The following SLCO5A1 variants were observed in gnomAD, a reference collection of about 807,000 sequenced individuals.
SLCO5A1 encodes organic anion transporter polypeptide-related protein 4.
SLCO5A1 carries 39 observed loss-of-function variants against 65.1 expected under a neutral mutation model. The observed-to-expected ratio is 0.60, with a 90% CI of 0.46 to 0.78. SLCO5A1 has a LOEUF of 0.78. Among genes scored for constraint, SLCO5A1 ranks in the 30% least tolerant of loss-of-function variants. The pLI, the probability that SLCO5A1 is intolerant of heterozygous loss-of-function variation, is 0.00. For synonymous variants in SLCO5A1, 438 were observed against 415.7 expected (o/e 1.05, Z -0.65); for missense variants, 1,029 against 1,069.4 (o/e 0.96, Z 0.53).
chr8:69,720,174 G>C (rs904894995), intron 5 of SLCO5A1, among the ~76,000 whole-genome samples: 1 of 152,012 alleles, frequency 6.6e-6, no homozygotes, highest in Admixed American at 6.6e-5. Context: ...ACTTCTCTTT[G>C]GAAGACAACA....
chr8:69,817,349 A>T (rs187534418), intron 2 of SLCO5A1, among the ~76,000 whole-genome samples: 42 of 152,314 alleles, frequency 2.8e-4, no homozygotes, highest in Admixed American at 2.7e-3. Context: ...GAATAATATT[A>T]TATAGATATA....
chr8:69,754,636 G>C (rs1167117817), intron 4 of SLCO5A1, among the ~76,000 whole-genome samples: 1 of 152,066 alleles, frequency 6.6e-6, no homozygotes, highest in Non-Finnish European at 1.5e-5. Flanking sequence ...ATAGGTTTCT[G>C]GAATTAAAGG....
chr8:69,712,246 T>G (rs566652992), intron 5 of SLCO5A1, among the ~76,000 whole-genome samples: 5 of 152,196 alleles, frequency 3.3e-5, no homozygotes, highest in Admixed American at 6.5e-5. Flanking sequence ...TCCAAGCAAA[T>G]AGACATTAAT....
intron 5 of SLCO5A1, among the ~76,000 whole-genome samples, chr8:69,706,404 C>T (rs929688445): frequency 6.6e-6 from 1 of 152,164 alleles, no homozygotes; most frequent in African/African-American, 2.4e-5. Flanking sequence ...GTAATAGTTA[C>T]TGCTGTGGTC....
intron 5 of SLCO5A1, among the ~76,000 whole-genome samples, chr8:69,729,632 G>A (rs1816246223): frequency 6.6e-6 from 1 of 151,974 alleles, no homozygotes; most frequent in Non-Finnish European, 1.5e-5. Context: ...ACGGTCATTG[G>A]GGGAACTGGC....
At chr8:69,821,885 G>T (rs1240870417) in intron 2 of SLCO5A1, among the ~76,000 whole-genome samples, 1 of 151,874 alleles carries the variant, frequency 6.6e-6, no homozygotes, top group African/African-American at 2.4e-5. Context: ...CCATCATTTT[G>T]GGAGGCCAAG....
chr8:69,676,230 C>A (rs193223589), intron 9 of SLCO5A1, among the ~76,000 whole-genome samples: 63 of 152,258 alleles, frequency 4.1e-4, no homozygotes, highest in South Asian at 1.0e-3. Context: ...GCATTGAAAA[C>A]TTCACAAATA....
chr8:69,755,497 C>T lies in SLCO5A1; in HGVS notation c.1185G>A (p.Leu395=). The part of the protein sequence containing the change: ...SVDAVSDDDV[L]KEKSNNSEQA... Reference sequence around the variant, plus strand: ...GTTCACTGTTGTTTGATTTCTCCTTCAGAACATCGTCATCACTAACAGCAT... The same window carrying T: ...GTTCACTGTTGTTTGATTTCTCCTTTAGAACATCGTCATCACTAACAGCAT... Residue 395 remains leucine (L), a synonymous_variant, in exon 4 of 10, where the codon CTG becomes CTA. Transcript: ENST00000260126. The T allele has an allele frequency of 6.2e-7, 1 of 1,614,104 alleles. No homozygotes were observed. The highest frequency in any genetic ancestry group is 8.5e-7 in the Non-Finnish European group (1 of 1,179,984).
At chr8:69,700,987 T>C (rs891775617) in intron 6 of SLCO5A1, among the ~76,000 whole-genome samples, 2 of 151,858 alleles carry the variant, frequency 1.3e-5, no homozygotes, top group African/African-American at 4.8e-5. Context: ...AAAGGATCAA[T>C]ACAGAGAGAG....
At chr8:69,800,158 T>C (rs1424994119) in intron 2 of SLCO5A1, among the ~76,000 whole-genome samples, 6 of 152,100 alleles carry the variant, frequency 3.9e-5, no homozygotes, top group African/African-American at 1.4e-4. Context: ...TCATTTTTCT[T>C]TTTTGGATGT....
At chr8:69,755,743 C>G in intron 3 of SLCO5A1, 102 bp from the exon 4 acceptor site, 1 of 1,009,594 alleles carries the variant, frequency 9.9e-7, no homozygotes, top group East Asian at 2.6e-5. Context: ...TTGAAGAAAA[C>G]TTTTTGTAAT....
chr8:69,819,007 A>G (rs995228029), intron 2 of SLCO5A1, among the ~76,000 whole-genome samples: 2 of 152,320 alleles, frequency 1.3e-5, no homozygotes, highest in Non-Finnish European at 2.9e-5. Context: ...CACAGACACT[A>G]CTTCCAAAAA....
intron 6 of SLCO5A1, among the ~76,000 whole-genome samples, chr8:69,684,703 C>T (rs1039474463): frequency 6.6e-6 from 1 of 152,186 alleles, no homozygotes; most frequent in Non-Finnish European, 1.5e-5. Context: ...CACCTATGCT[C>T]TATGAAGGAG....
intron 9 of SLCO5A1, 97 bp from the exon 10 acceptor site, chr8:69,673,423 C>T (rs1427205338): frequency 4.0e-6 from 4 of 1,011,218 alleles, no homozygotes; most frequent in African/African-American, 3.2e-5. Flanking sequence ...GCTCTAAAAC[C>T]AGTTGAGGGG....
At chr8:69,812,332 T>G (rs923126883) in intron 2 of SLCO5A1, among the ~76,000 whole-genome samples, 1 of 152,094 alleles carries the variant, frequency 6.6e-6, no homozygotes, top group African/African-American at 2.4e-5. Flanking sequence ...CAGACATGGG[T>G]CAAACATTTT....
At chr8:69,804,077 G>T (rs1819878145) in intron 2 of SLCO5A1, among the ~76,000 whole-genome samples, 2 of 152,254 alleles carry the variant, frequency 1.3e-5, no homozygotes, top group South Asian at 4.1e-4. Flanking sequence ...TATAGGAAAA[G>T]CAGGTTAGGA....
rs1442830606 is a variant in SLCO5A1, at chr8:69,704,787, A to C, written c.1622+244T>G. The C allele has an allele frequency of 1.0e-5, 5 of 502,452 alleles. No homozygotes were observed. In the South Asian group the frequency reaches 1.4e-4, roughly 14 times the overall value. The allele number at this position is 502,452 out of a possible 1,614,324, so 31.1% of individuals were successfully genotyped here. ...TTAATCCAATAAGCATTTCATCCTC[A>C]TCTGATGTAATTAAAATGCTATGAA... On this transcript the variant is annotated intron_variant, in intron 6 of 9. Coordinates refer to ENST00000260126, the MANE Select transcript of SLCO5A1 (RefSeq NM_030958.3).
intron 6 of SLCO5A1, among the ~76,000 whole-genome samples, chr8:69,685,791 C>T (rs1746915651): frequency 6.6e-6 from 1 of 152,114 alleles, no homozygotes; most frequent in Non-Finnish European, 1.5e-5. Context: ...CCTGGGGAGA[C>T]AGCAAAAGAG....
chr8:69,798,927 CT>C (rs1227419444), intron 2 of SLCO5A1, among the ~76,000 whole-genome samples: 1 of 152,150 alleles, frequency 6.6e-6, no homozygotes, highest in East Asian at 1.9e-4. Context: ...GAAGATTAAT[CT>C]TTTCTTTTGG....
Sources: gnomAD v4.1 joint callset for allele counts (sites outside exome capture counted in the v4.1 genomes callset) on GRCh38, gnomAD v4.1.1 for gene constraint, MANE v1.5 for transcripts, NCBI Gene and HGNC (gene_info 2026-07-23, HGNC 2026-07-21) for gene names.